Variants in MAP4K4 observed in about 807,000 individuals in gnomAD.
MAP4K4 encodes HPK/GCK-like kinase HGK.
A neutral mutation model predicts 189.6 loss-of-function variants in MAP4K4; 38 were observed. That is an observed-to-expected ratio of 0.20 (90% CI 0.15 to 0.26). The LOEUF (loss-of-function observed/expected upper bound fraction) is 0.26, where lower values mean the gene tolerates loss of function less well. MAP4K4 is among the 10% of genes least tolerant of loss of function. The pLI, the probability that MAP4K4 is intolerant of heterozygous loss-of-function variation, is 1.00. For missense variants in MAP4K4, 1,054 were observed against 1,726.9 expected (o/e 0.61, Z 6.91); for synonymous variants, 610 against 624.3 (o/e 0.98, Z 0.34).
chr2:101,741,904 G>A (rs2063003615), intron 2 of MAP4K4, among the ~76,000 whole-genome samples: 1 of 152,230 alleles, frequency 6.6e-6, no homozygotes, highest in South Asian at 2.1e-4. Context: ...TACATGCCAA[G>A]TGTTTCACTT....
intron 3 of MAP4K4, 46 bp downstream of exon 3, chr2:101,790,822 C>A: frequency 1.4e-6 from 2 of 1,427,932 alleles, no homozygotes; most frequent in Non-Finnish European, 9.8e-7. Flanking sequence ...AGATGGAAGA[C>A]AAAGATTCCC....
intron 22 of MAP4K4, 162 bp downstream of exon 22, chr2:101,869,959 G>T: frequency 1.1e-6 from 1 of 904,692 alleles, no homozygotes; most frequent in Non-Finnish European, 1.6e-6. Context: ...CCTTCTCTTC[G>T]TTGGTGTGTG....
At chr2:101,819,074 A>G (rs894858420) in intron 3 of MAP4K4, among the ~76,000 whole-genome samples, 2 of 152,194 alleles carry the variant, frequency 1.3e-5, no homozygotes, top group African/African-American at 2.4e-5. Flanking sequence ...AACTTCCTCT[A>G]TGTAGTTTTG....
intron 2 of MAP4K4, among the ~76,000 whole-genome samples, chr2:101,705,553 T>C (rs773034174): frequency 3.3e-5 from 5 of 152,218 alleles, no homozygotes; most frequent in South Asian, 2.1e-4. Flanking sequence ...GGTAGACATA[T>C]AGAATATCAG....
chr2:101,700,316 CG>C (rs2037677743), intron 2 of MAP4K4, among the ~76,000 whole-genome samples: 2 of 152,168 alleles, frequency 1.3e-5, no homozygotes, highest in Non-Finnish European at 2.9e-5. Flanking sequence ...TTCCATTCCC[CG>C]CAACCTTCCC....
At chr2:101,856,528 T>C (rs559866967) in intron 13 of MAP4K4, among the ~76,000 whole-genome samples, 17 of 152,278 alleles carry the variant, frequency 1.1e-4, no homozygotes, top group African/African-American at 2.6e-4. Flanking sequence ...AAGAAATTTC[T>C]TAGGAGAAAT....
At chr2:101,842,166 C>A (rs2149560410) in intron 10 of MAP4K4, among the ~76,000 whole-genome samples, 1 of 152,338 alleles carries the variant, frequency 6.6e-6, no homozygotes, top group Admixed American at 6.5e-5. Context: ...CTGCTGCACT[C>A]TCCGTGGATC....
chr2:101,731,054 C>A (rs1193496245), intron 2 of MAP4K4, among the ~76,000 whole-genome samples: 4 of 148,554 alleles, frequency 2.7e-5, no homozygotes, highest in East Asian at 2.1e-4. Context: ...AAAAAAAAAA[C>A]CAAACAGTTG....
chr2:101,810,570 A>G (rs529556265), intron 3 of MAP4K4, among the ~76,000 whole-genome samples: 1 of 152,196 alleles, frequency 6.6e-6, no homozygotes, highest in South Asian at 2.1e-4. Context: ...CTCAGGTTTT[A>G]TGATTTTCCC....
rs368706524 is a variant in MAP4K4 at position 101,883,140 on chromosome 2, G to A, written c.3520+455G>A. Among the ~76,000 whole-genome samples, 3 of 152,356 alleles carry A rather than the reference G, an allele frequency of 2.0e-5. No individual in the cohort carries two copies. In the East Asian group the frequency reaches 5.8e-4, roughly 29 times the overall value. ...GGAGGTCCTTGGCAGGCACTGATAA[G>A]AGTGTTTGAGAGTTTGACTCAAGGG... is the stretch of plus-strand genomic sequence containing the variant. On this transcript the variant is annotated intron_variant, in intron 28 of 32. Transcript: ENST00000324219.
chr2:101,723,880 C>T (rs2053675822), intron 2 of MAP4K4, among the ~76,000 whole-genome samples: 1 of 152,128 alleles, frequency 6.6e-6, no homozygotes, highest in South Asian at 2.1e-4. Flanking sequence ...CAGTCCTTTG[C>T]CCTTTTCTCT....
At chr2:101,826,468 G>A (rs1210737018) in intron 5 of MAP4K4, among the ~76,000 whole-genome samples, 1 of 152,082 alleles carries the variant, frequency 6.6e-6, no homozygotes, top group Non-Finnish European at 1.5e-5. Context: ...ATAAACACTT[G>A]CAAATGTCAT....
chr2:101,822,670 A>G (rs1347145596), intron 3 of MAP4K4, among the ~76,000 whole-genome samples: 1 of 152,144 alleles, frequency 6.6e-6, no homozygotes, highest in Non-Finnish European at 1.5e-5. Flanking sequence ...TGCTAGACTG[A>G]AGCAGTAAGT....
chr2:101,829,954 CT>C (rs1184978696), intron 6 of MAP4K4, among the ~76,000 whole-genome samples: 1 of 152,134 alleles, frequency 6.6e-6, no homozygotes, highest in African/African-American at 2.4e-5. Flanking sequence ...CTACTTTTCC[CT>C]CCTCATTTTA....
chr2:101,712,970 C>G (rs2046429810), intron 2 of MAP4K4, among the ~76,000 whole-genome samples: 2 of 148,972 alleles, frequency 1.3e-5, no homozygotes, highest in Admixed American at 1.3e-4. Context: ...TGGGCACCAT[C>G]TTGGCTCACT....
intron 13 of MAP4K4, among the ~76,000 whole-genome samples, chr2:101,858,394 T>A (rs2097539973): frequency 6.6e-6 from 1 of 152,218 alleles, no homozygotes; most frequent in South Asian, 2.1e-4. Context: ...CCCCTTGTCC[T>A]TGTCTGTCTC....
chr2:101,747,822 T>C (rs558630299), intron 2 of MAP4K4, among the ~76,000 whole-genome samples: 3 of 152,318 alleles, frequency 2.0e-5, no homozygotes, highest in African/African-American at 7.2e-5. Flanking sequence ...ATAGGCTTGG[T>C]TAATCTTTAC....
intron 6 of MAP4K4, among the ~76,000 whole-genome samples, chr2:101,830,110 T>C (rs894000781): frequency 3.9e-5 from 6 of 152,182 alleles, no homozygotes; most frequent in Non-Finnish European, 8.8e-5. Flanking sequence ...TTTTTTCTCA[T>C]GTTACGGGCC....
intron 22 of MAP4K4, chr2:101,870,055 A>T: frequency 3.2e-6 from 2 of 621,370 alleles, no homozygotes; most frequent in Non-Finnish European, 5.4e-6. Context: ...GGGAAATTTC[A>T]GTTTGGTATA....
Sources: gnomAD v4.1 joint callset for allele counts (sites outside exome capture counted in the v4.1 genomes callset) on GRCh38, gnomAD v4.1.1 for gene constraint, MANE v1.5 for transcripts, NCBI Gene and HGNC (gene_info 2026-07-23, HGNC 2026-07-21) for gene names.